The following ERBIN variants were observed in gnomAD, a reference collection of about 807,000 sequenced individuals.
ERBIN encodes the protein erbb2 interacting protein.
ERBIN carries 60 observed loss-of-function variants against 158.4 expected under a neutral mutation model. The observed-to-expected ratio is 0.38, with a 90% CI of 0.31 to 0.47. The LOEUF (loss-of-function observed/expected upper bound fraction) is 0.47. Among genes scored for constraint, ERBIN ranks in the 20% least tolerant of loss-of-function variants. ERBIN has a pLI of 0.99. For synonymous variants in ERBIN, 594 were observed against 557.2 expected (o/e 1.07, Z -0.93); for missense variants, 1,610 against 1,648.0 (o/e 0.98, Z 0.40).
intron 1 of ERBIN, among the ~76,000 whole-genome samples, chr5:65,956,018 G>A (rs1301247762): frequency 6.6e-6 from 1 of 152,176 alleles, no homozygotes; most frequent in Admixed American, 6.5e-5. Flanking sequence ...TACATGGTGT[G>A]TATAGAGTTC....
chr5:66,024,503 T>TA, intron 10 of ERBIN, 53 bp downstream of exon 10: 1 of 1,504,172 alleles, frequency 6.6e-7, no homozygotes, highest in South Asian at 1.3e-5. Context: ...ATTCGAGACT[T>TA]CCACATAATC....
intron 1 of ERBIN, among the ~76,000 whole-genome samples, chr5:65,971,311 T>C (rs1749218407): frequency 6.6e-6 from 1 of 152,094 alleles, no homozygotes; most frequent in Non-Finnish European, 1.5e-5. Context: ...TTTCCTAAAT[T>C]TGGAACACAA....
Position 66,053,873 on chromosome 5 carries a change from G to C in ERBIN, c.2555G>C (p.Ser852Thr), listed in dbSNP as rs1277779027. 1 of 1,613,990 alleles carries C rather than the reference G, an allele frequency of 6.2e-7. No homozygotes were observed. The highest frequency in any genetic ancestry group is 1.7e-5 in the Admixed American group (1 of 59,998). The change falls in exon 21 of 26, where the codon AGC becomes ACC. Residue 852 changes from serine to threonine, a missense_variant. Physicochemically the swap from Ser to Thr is moderately conservative, Grantham distance 58 (BLOSUM62 1). Transcript: ENST00000284037. ...DCSVDLGISK[S>T]TEDLSPQKSG... ...TCTGTTGACTTAGGTATTTCCAAAAGCACTGAAGATCTCTCCCCTCAGAAA... is the reference window on the plus strand; with the variant it reads ...TCTGTTGACTTAGGTATTTCCAAAACCACTGAAGATCTCTCCCCTCAGAAA...
chr5:66,075,852 A>T (rs1437794847), intron 23 of ERBIN, among the ~76,000 whole-genome samples: 1 of 152,144 alleles, frequency 6.6e-6, no homozygotes, highest in Admixed American at 6.5e-5. Flanking sequence ...TGAAGCCTTT[A>T]AACAGATTTG....
rs1049276878 is a variant in ERBIN, at chr5:66,081,918, G to A, written c.*3388G>A. 2.0e-5 allele frequency: 3 copies of A among 148,600 alleles called. No individual in the cohort carries two copies. The highest frequency in any genetic ancestry group is 4.5e-5 in the Non-Finnish European group (3 of 66,130). The allele number at this position is 148,600 out of a possible 1,614,324, so 9.2% of individuals were successfully genotyped here. A position where few individuals can be genotyped will look rare whatever the true frequency, so the allele number is the denominator to read the frequency against. On this transcript the variant is annotated 3_prime_UTR_variant, in exon 26 of 26. Coordinates refer to ENST00000284037, the MANE Select transcript of ERBIN (RefSeq NM_001253697.2). ...CCTCTTTAAAAAAAAAAAAGAAAAA[G>A]TAATCTAGACAGGCAGCCAACTCAG...
chr5:65,990,321 A>G (rs1471205388), intron 2 of ERBIN, among the ~76,000 whole-genome samples: 3 of 152,246 alleles, frequency 2.0e-5, no homozygotes, highest in African/African-American at 7.2e-5. Flanking sequence ...CGATGGAATG[A>G]GAGTCTGCAT....
Position 65,994,027 on chromosome 5 carries a change from T to C in ERBIN, c.190-720T>C, listed in dbSNP as rs557858418. ...GATGACAGTATGCAACAGGCTTTTT[T>C]CTGGTGGTCAGTAAGAACATTTTGA... On this transcript the variant is annotated intron_variant, in intron 3 of 25. Coordinates refer to ENST00000284037, the MANE Select transcript of ERBIN (RefSeq NM_001253697.2). Among the ~76,000 whole-genome samples the C allele has an allele frequency of 2.0e-5, 3 of 152,310 alleles. No individual in the cohort carries two copies. In the South Asian group the frequency reaches 6.2e-4, roughly 32 times the overall value.
At chr5:65,941,688 C>G (rs577222879) in intron 1 of ERBIN, among the ~76,000 whole-genome samples, 7 of 152,086 alleles carry the variant, frequency 4.6e-5, no homozygotes, top group African/African-American at 1.7e-4. Context: ...CTACTTATAC[C>G]CTAAGGTTTA....
intron 1 of ERBIN, among the ~76,000 whole-genome samples, chr5:65,936,744 A>T (rs1464403242): frequency 6.6e-6 from 1 of 152,206 alleles, no homozygotes; most frequent in East Asian, 1.9e-4. Flanking sequence ...CCAATTATAA[A>T]AATAATCTTG....
chr5:66,081,036 A>C lies in ERBIN; in HGVS notation c.*2506A>C, dbSNP rs1762363572. On this transcript the variant is annotated 3_prime_UTR_variant, in exon 26 of 26. Transcript: ENST00000284037. ...AATTTTTTGAGGAAGTGGAGAAGACATTTTTAGTTTATATATTGTTGAGTA... is the reference window on the plus strand; with the variant it reads ...AATTTTTTGAGGAAGTGGAGAAGACCTTTTTAGTTTATATATTGTTGAGTA... 1 of 151,524 alleles carries C rather than the reference A, an allele frequency of 6.6e-6. No individual in the cohort carries two copies. The highest frequency in any genetic ancestry group is 6.6e-5 in the Admixed American group (1 of 15,262). The allele number at this position is 151,524 out of a possible 1,614,324, so 9.4% of individuals were successfully genotyped here.
At chr5:65,940,491 C>G (rs1231476347) in intron 1 of ERBIN, among the ~76,000 whole-genome samples, 1 of 108,428 alleles carries the variant, frequency 9.2e-6, no homozygotes, top group African/African-American at 3.9e-5. Flanking sequence ...CCCCCCCCGG[C>G]CAGCCGCCCC....
chr5:66,040,332 T>G (rs1323499060), intron 15 of ERBIN, among the ~76,000 whole-genome samples: 2 of 151,948 alleles, frequency 1.3e-5, no homozygotes, highest in Admixed American at 1.3e-4. Context: ...CTACCTTGCC[T>G]TCTTTTTCTA....
intron 6 of ERBIN, 32 bp downstream of exon 6, chr5:66,013,670 T>A: frequency 7.3e-7 from 1 of 1,372,616 alleles, no homozygotes; most frequent in Non-Finnish European, 1.0e-6. Context: ...AACGTTTTAT[T>A]ATTAGCTCTT....
intron 1 of ERBIN, among the ~76,000 whole-genome samples, chr5:65,940,384 C>T (rs1443155233): frequency 5.6e-5 from 8 of 143,344 alleles, no homozygotes; most frequent in South Asian, 2.2e-4. Context: ...GGAGCATCTC[C>T]GCCCGGCAGC....
At chr5:66,075,339 A>ATTTAAC in intron 23 of ERBIN, 109 bp downstream of exon 23, 1 of 899,904 alleles carries the variant, frequency 1.1e-6, no homozygotes, top group East Asian at 2.7e-5. Flanking sequence ...AGTTATTACC[A>ATTTAAC]TTTAAAGTTT....
chr5:66,079,127 T>TG lies in ERBIN; in HGVS notation c.*601dup, dbSNP rs1762258763. 6.5e-6 allele frequency: 1 copy of TG among 152,686 alleles called. No homozygotes were observed. The highest frequency in any genetic ancestry group is 1.5e-5 in the Non-Finnish European group (1 of 68,118). 9.5% of individuals were successfully genotyped at this position (152,686 alleles called of 1,614,324 possible). ...AAAATCTGGAAGCAAAGAATGGGGA[T>TG]GGGGAGAGCTACGTGGTAGTATGTT... On this transcript the variant is annotated 3_prime_UTR_variant, in exon 26 of 26. Transcript: ENST00000284037.
At chr5:66,018,480 T>TTATATTATATATTATATAATATAA (rs1755112305) in intron 7 of ERBIN, among the ~76,000 whole-genome samples, 2 of 5,498 alleles carry the variant, frequency 3.6e-4, no homozygotes, top group African/African-American at 1.6e-3. Context: ...ATATTATATA[T>TTATATTATATATTATATAATATAA]TATATATTAT....
intron 1 of ERBIN, among the ~76,000 whole-genome samples, chr5:65,946,740 T>C (rs1024097650): frequency 2.6e-5 from 4 of 152,076 alleles, no homozygotes; most frequent in Non-Finnish European, 4.4e-5. Context: ...ACCAGCAGTG[T>C]ATGAGAGATC....
intron 1 of ERBIN, among the ~76,000 whole-genome samples, chr5:65,929,159 G>T (rs1370717624): frequency 6.6e-6 from 1 of 152,132 alleles, no homozygotes; most frequent in African/African-American, 2.4e-5. Flanking sequence ...ATTGTATGCT[G>T]TTTCTTAATG....
Sources: gnomAD v4.1 joint callset for allele counts (sites outside exome capture counted in the v4.1 genomes callset) on GRCh38, gnomAD v4.1.1 for gene constraint, MANE v1.5 for transcripts, NCBI Gene and HGNC (gene_info 2026-07-23, HGNC 2026-07-21) for gene names.